The following LRRK1 variants were observed in gnomAD, a reference collection of about 807,000 sequenced individuals.
The protein encoded by LRRK1 is leucine rich repeat kinase 1, also known as leucine-rich repeat serine/threonine-protein kinase 1.
Under a neutral mutation model 209.1 loss-of-function variants are expected in LRRK1, and 113 were observed. The observed-to-expected ratio is 0.54, with a 90% CI of 0.46 to 0.63. The LOEUF (loss-of-function observed/expected upper bound fraction) is 0.63. Among genes scored for constraint, LRRK1 ranks in the 30% least tolerant of loss-of-function variants. The probability of loss-of-function intolerance (pLI) is 0.00; values close to 1 mark genes in which losing one functional copy is unlikely to be tolerated. For missense variants in LRRK1, 2,284 were observed against 2,632.2 expected, an observed-to-expected ratio of 0.87 and a Z score of 2.89; for synonymous variants, 1,144 against 1,099.7, an observed-to-expected ratio of 1.04 and a Z score of -0.80.
chr15:101,065,263 G>C, intron 31 of LRRK1, 89 bp from the exon 32 acceptor site: 1 of 1,483,608 alleles, frequency 6.7e-7, no homozygotes, highest in Non-Finnish European at 9.1e-7. Context: ...CGCCTGGTGT[G>C]GGTGCAGATG....
intron 2 of LRRK1, among the ~76,000 whole-genome samples, chr15:100,971,879 C>G (rs2030908089): frequency 6.6e-6 from 1 of 152,160 alleles, no homozygotes; most frequent in Non-Finnish European, 1.5e-5. Flanking sequence ...TAAGTGAGAA[C>G]ATGGAATGTT....
chr15:100,987,182 T>C (rs1206122707), intron 4 of LRRK1, among the ~76,000 whole-genome samples: 3 of 152,186 alleles, frequency 2.0e-5, no homozygotes, highest in Non-Finnish European at 2.9e-5. Context: ...CTATGCTACA[T>C]GCTTTATTTG....
chr15:100,929,052 C>T (rs983987211), intron 2 of LRRK1, among the ~76,000 whole-genome samples: 8 of 152,132 alleles, frequency 5.3e-5, no homozygotes, highest in East Asian at 1.9e-4. Flanking sequence ...GGCTGCAGGA[C>T]GCGCATTACT....
intron 6 of LRRK1, among the ~76,000 whole-genome samples, chr15:101,005,559 G>A (rs2032904928): frequency 6.6e-6 from 1 of 152,212 alleles, no homozygotes. Flanking sequence ...TGACACCCCA[G>A]CGGTGATGAG....
At chr15:100,962,823 A>ATATATATATATATTTT in intron 2 of LRRK1, among the ~76,000 whole-genome samples, 1 of 11,544 alleles carries the variant, frequency 8.7e-5, no homozygotes, top group Non-Finnish European at 2.1e-4. Flanking sequence ...ATATATATAT[A>ATATATATATATATTTT]TTTTTTTTTT....
chr15:100,982,991 A>G (rs919087083), intron 3 of LRRK1, among the ~76,000 whole-genome samples: 2 of 152,170 alleles, frequency 1.3e-5, no homozygotes, highest in Non-Finnish European at 2.9e-5. Flanking sequence ...CTGGCAACAT[A>G]GCAAGATCTG....
At chr15:101,011,503 G>A (rs1469697136) in intron 9 of LRRK1, among the ~76,000 whole-genome samples, 1 of 150,082 alleles carries the variant, frequency 6.7e-6, no homozygotes, top group Non-Finnish European at 1.5e-5. Flanking sequence ...GCATCAATCT[G>A]CACTCGTAGC....
Position 101,024,890 on chromosome 15 carries a change from C to T in LRRK1, c.2155C>T (p.Leu719=). 6.2e-7 allele frequency: 1 copy of T among 1,614,152 alleles called. No individual in the cohort carries two copies. The highest frequency in any genetic ancestry group is 8.5e-7 in the Non-Finnish European group (1 of 1,180,002). The change falls in exon 16 of 34, where the codon CTG becomes TTG. Residue 719 remains leucine, a synonymous_variant. Transcript: ENST00000388948. The surrounding 1 kb of genome is among the most constrained non-coding windows in gnomAD (Gnocchi z 4.6). ...CCAGTGCTTCTTCACGGACAAGGCCCTGTACGTGGTGGTCTGGAACCTGGC... is the reference window on the plus strand; with the variant it reads ...CCAGTGCTTCTTCACGGACAAGGCCTTGTACGTGGTGGTCTGGAACCTGGC... ...VNQCFFTDKA[L]YVVVWNLALG... is the part of the protein sequence containing the mutation.
intron 5 of LRRK1, among the ~76,000 whole-genome samples, chr15:100,989,030 A>T (rs926898705): frequency 3.9e-5 from 6 of 152,250 alleles, no homozygotes; most frequent in African/African-American, 1.4e-4. Context: ...ACAGAGACTG[A>T]CTGTGGCTAA....
In LRRK1 at chr15:101,048,711, C is replaced by T. The variant is rs1245499894; in HGVS notation, c.3299+54C>T. On this transcript the variant is annotated intron_variant, in intron 22 of 33. Coordinates refer to ENST00000388948, the MANE Select transcript of LRRK1 (RefSeq NM_024652.6). ...GGTCAGCAGGTGCCACAGCAGCCAC[C>T]GCGGGGCCACGTCAGCAGGATGCCT... 3.1e-5 allele frequency: 44 copies of T among 1,413,342 alleles called. 1 individual carries two copies. The highest frequency in any genetic ancestry group is 4.7e-5 in the South Asian group (3 of 64,236). 87.6% of individuals were successfully genotyped at this position (1,413,342 alleles called of 1,614,324 possible).
rs777607829 is a variant in LRRK1, at chr15:100,973,848, C to A, written c.142C>A (p.Pro48Thr). ...CAAGCCGTCCACGCGGGGCGGTGAC[C>A]CTGCAGCGCGGTCCCGCAGGACGGA... ...GGKPSTRGGD[P>T]AARSRRTEGI... Residue 48 changes from proline to threonine, a missense_variant, in exon 3 of 34, where the codon CCT becomes ACT. Transcript: ENST00000388948. 1.1e-4 allele frequency: 147 copies of A among 1,291,986 alleles called. No homozygotes were observed. The highest frequency in any genetic ancestry group is 1.4e-4 in the Non-Finnish European group (145 of 1,016,052). The allele number at this position is 1,291,986 out of a possible 1,614,324, so 80.0% of individuals were successfully genotyped here.
intron 6 of LRRK1, among the ~76,000 whole-genome samples, chr15:101,003,969 C>T (rs146649725): frequency 1.8e-4 from 28 of 152,284 alleles, no homozygotes; most frequent in East Asian, 1.2e-3. Flanking sequence ...ACCAACAGCA[C>T]GGCTACACCC....
chr15:100,989,923 C>G (rs936596141), intron 6 of LRRK1, among the ~76,000 whole-genome samples: 1 of 151,162 alleles, frequency 6.6e-6, no homozygotes, highest in Non-Finnish European at 1.5e-5. Flanking sequence ...TAACATATTT[C>G]TTTTTTAAAT....
rs1596329644 is a variant in LRRK1, at chr15:101,053,005, A to C, written c.3773A>C (p.Tyr1258Ser). 13 of 1,613,052 alleles carry C rather than the reference A, an allele frequency of 8.1e-6. No individual in the cohort carries two copies. Among genetic ancestry groups the C allele is most frequent in the Non-Finnish European group, 1.1e-5 (13 of 1,179,534 alleles). Residue 1258 changes from tyrosine (Y) to serine (S), a missense_variant, in exon 25 of 34, where the codon TAC (tyrosine) becomes TCC (serine). Physicochemically the swap from Tyr to Ser is moderately radical, Grantham distance 144 (BLOSUM62 -2). Coordinates refer to ENST00000388948, the MANE Select transcript of LRRK1 (RefSeq NM_024652.6). ...CAGGGCGGCAGTGGCACCGTCATCT[A>C]CCGGGCCCGGTACCAGGGCCAGCCT... ...LGQGGSGTVI[Y>S]RARYQGQPVA...
intron 12 of LRRK1, among the ~76,000 whole-genome samples, chr15:101,019,284 T>C (rs1205843476): frequency 1.3e-5 from 2 of 152,186 alleles, no homozygotes; most frequent in African/African-American, 4.8e-5. Context: ...TAGAATGTGT[T>C]CTCTGGGGAG....
intron 20 of LRRK1, among the ~76,000 whole-genome samples, chr15:101,036,255 A>G (rs896818400): frequency 6.6e-5 from 10 of 152,172 alleles, no homozygotes; most frequent in African/African-American, 2.2e-4. Context: ...GGTGTCCCAT[A>G]TATCACTCAT....
intron 2 of LRRK1, among the ~76,000 whole-genome samples, chr15:100,955,018 ATT>A (rs35535648): frequency 5.3e-5 from 8 of 151,960 alleles, no homozygotes; most frequent in African/African-American, 1.5e-4. Flanking sequence ...AAATTTTAGG[ATT>A]TTTTTTTCTA....
rs201547686 is a variant in LRRK1, at chr15:101,029,191, C to G, written c.2922C>G (p.Phe974Leu). ...AGACGGAAGAGCAGTACTTCCAGTT[C>G]CTGGCCAAGTTTGAGATCGCCCTGC... is the stretch of plus-strand genomic sequence containing the variant. Reference protein sequence around the residue: ...TQQTEEQYFQFLAKFEIALPV... With the variant: ...TQQTEEQYFQLLAKFEIALPV... Residue 974 changes from phenylalanine (F) to leucine (L), a missense_variant, in exon 20 of 34, where the codon TTC becomes TTG. Physicochemically the swap from Phe to Leu is conservative, Grantham distance 22. This residue lies in a region of LRRK1 where 780 missense variants were observed against 985.2 expected (regional missense o/e 0.79). Coordinates refer to ENST00000388948, the MANE Select transcript of LRRK1 (RefSeq NM_024652.6). 4.2e-5 allele frequency: 68 copies of G among 1,613,600 alleles called. No individual in the cohort carries two copies. The African/African-American group carries it at 8.3e-4, about 20-fold the overall frequency.
At chr15:100,971,732 A>C (rs1343946130) in intron 2 of LRRK1, among the ~76,000 whole-genome samples, 1 of 151,972 alleles carries the variant, frequency 6.6e-6, no homozygotes, top group African/African-American at 2.4e-5. Context: ...ATTCCTTCTT[A>C]CTGTATGCTT....
Sources: gnomAD v4.1 joint callset for allele counts (sites outside exome capture counted in the v4.1 genomes callset) on GRCh38, gnomAD v4.1.1 for gene constraint, gnomAD v4.1.1 regional missense constraint, Gnocchi (gnomAD v3.1) non-coding constraint, MANE v1.5 for transcripts, NCBI Gene and HGNC (gene_info 2026-07-23, HGNC 2026-07-21) for gene names.